The following NEU3 variants were observed in gnomAD, a reference collection of about 807,000 sequenced individuals.
The protein encoded by NEU3 is neuraminidase 3.
In NEU3, 10 loss-of-function variants were observed where a neutral mutation model predicts 11.4. That is an observed-to-expected ratio of 0.88 (90% CI 0.54 to 1.49). The LOEUF is 1.49. Ranked by LOEUF, NEU3 falls within the 40% of genes most tolerant of loss-of-function variation. The probability of loss-of-function intolerance (pLI) is 0.00; values close to 1 mark genes in which losing one functional copy is unlikely to be tolerated. For missense variants in NEU3, 529 were observed against 581.8 expected (o/e 0.91, Z 0.93); for synonymous variants, 212 against 228.2 (o/e 0.93, Z 0.64).
chr11:75,012,516 G>A (rs185835339), downstream of NEU3, among the ~76,000 whole-genome samples: 111 of 152,294 alleles, frequency 7.3e-4, no homozygotes, highest in East Asian at 4.8e-3. Flanking sequence ...GATCTAGATC[G>A]ACTGACAGAG....
chr11:74,989,786 T>C (rs1420368662), intron 1 of NEU3, among the ~76,000 whole-genome samples: 5 of 152,186 alleles, frequency 3.3e-5, no homozygotes, highest in Admixed American at 3.3e-4. Flanking sequence ...TGCTAGTAAG[T>C]GTCAAAGATA....
intron 2 of NEU3, among the ~76,000 whole-genome samples, chr11:75,002,675 A>T (rs1260352435): frequency 2.0e-5 from 3 of 152,242 alleles, no homozygotes; most frequent in Non-Finnish European, 4.4e-5. Flanking sequence ...TTGTGGACTC[A>T]TATATAGAAC....
chr11:74,985,288 T>G (rs1469071990), upstream of NEU3, among the ~76,000 whole-genome samples: 2 of 152,152 alleles, frequency 1.3e-5, no homozygotes, highest in Non-Finnish European at 2.9e-5. Flanking sequence ...AATATATATA[T>G]TACCAATACA....
intron 1 of NEU3, among the ~76,000 whole-genome samples, chr11:74,994,090 C>T (rs559698093): frequency 1.3e-5 from 2 of 152,150 alleles, no homozygotes; most frequent in East Asian, 3.9e-4. Context: ...GGCTTTCGTA[C>T]AGAAAAAAAG....
In NEU3 at chr11:74,990,248, G is replaced by A. The variant is rs963406839; in HGVS notation, c.94+1094G>A. 5.2e-5 allele frequency: 24 copies of A among 458,880 alleles called. No homozygotes were observed. In the South Asian group the frequency reaches 8.8e-4, roughly 17 times the overall value. 28.4% of individuals were successfully genotyped at this position (458,880 alleles called of 1,614,324 possible). A position where few individuals can be genotyped will look rare whatever the true frequency, so the allele number is the denominator to read the frequency against. ...CAAGCAAGGAATCCAAGACCTAGAG[G>A]TTGAGTAACCATCAAAACGTCATGC... On this transcript the variant is annotated intron_variant, in intron 1 of 2. Transcript: ENST00000294064.
chr11:74,993,841 CTT>C (rs1948757940), intron 1 of NEU3, among the ~76,000 whole-genome samples: 1 of 152,088 alleles, frequency 6.6e-6, no homozygotes, highest in Non-Finnish European at 1.5e-5. Flanking sequence ...TAGTTTTCCT[CTT>C]ATAAAGCCCC....
chr11:74,995,106 A>G (rs887223350), intron 2 of NEU3: 2 of 510,610 alleles, frequency 3.9e-6, no homozygotes, highest in Admixed American at 3.3e-5. Flanking sequence ...TTTCATTTAT[A>G]TTCCATTTAA....
At chr11:74,988,142 T>C (rs1268351834), upstream of NEU3, 1 of 152,130 alleles carries the variant, frequency 6.6e-6, no homozygotes, top group Non-Finnish European at 1.5e-5. Flanking sequence ...TCTTTCCTTT[T>C]ATTGGCGTTT....
downstream of NEU3, among the ~76,000 whole-genome samples, chr11:75,013,954 T>A (rs1461714157): frequency 2.0e-5 from 3 of 152,260 alleles, no homozygotes; most frequent in East Asian, 5.8e-4. Context: ...GCCTCTTAAG[T>A]CCTTGGAACA....
upstream of NEU3, among the ~76,000 whole-genome samples, chr11:74,984,327 G>A (rs1377151924): frequency 6.6e-6 from 1 of 152,166 alleles, no homozygotes; most frequent in African/African-American, 2.4e-5. Context: ...GAAGATTCAG[G>A]TTCCCTAACC....
At chr11:74,990,031 A>G (rs1012281745) in intron 1 of NEU3, 1 of 702,380 alleles carries the variant, frequency 1.4e-6, no homozygotes, top group Non-Finnish European at 2.6e-6. Context: ...TCTGTCATCA[A>G]CACGATCAGC....
At chr11:75,004,257 G>A in intron 2 of NEU3, 2 of 668,590 alleles carry the variant, frequency 3.0e-6, no homozygotes, top group South Asian at 1.6e-5. Flanking sequence ...TTTGATAGAT[G>A]TAAAGTGTTA....
chr11:75,005,450 C>T lies in NEU3; in HGVS notation c.344C>T (p.Pro115Leu), dbSNP rs533535665. Reference protein sequence around the residue: ...PLKPLMEATLPGHRTMNPCPV... With the variant: ...PLKPLMEATLLGHRTMNPCPV... Reference sequence around the variant, plus strand: ...AAGCCACTGATGGAAGCCACACTACCGGGGCATCGGACCATGAACCCCTGT... The same window carrying T: ...AAGCCACTGATGGAAGCCACACTACTGGGGCATCGGACCATGAACCCCTGT... The change falls in exon 3 of 3, where the codon CCG (proline) becomes CTG (leucine). Residue 115 changes from proline to leucine, a missense_variant. Transcript: ENST00000294064. 163 of 1,613,198 alleles carry T rather than the reference C, an allele frequency of 1.0e-4. No homozygotes were observed. The highest frequency in any genetic ancestry group is 8.7e-4 in the Admixed American group (52 of 59,970).
upstream of NEU3, among the ~76,000 whole-genome samples, chr11:74,987,928 C>T (rs1229367368): frequency 2.2e-5 from 2 of 92,482 alleles, no homozygotes; most frequent in African/African-American, 9.1e-5. Context: ...TAGAAAAATA[C>T]AGCAGGTTGT....
chr11:75,016,624 A>G (rs1948982579), intron 3 of NEU3, among the ~76,000 whole-genome samples: 1 of 152,158 alleles, frequency 6.6e-6, no homozygotes, highest in African/African-American at 2.4e-5. Flanking sequence ...TTCTATTTTT[A>G]ATCACTTGGA....
In NEU3 at chr11:75,010,373, T is replaced by A. The variant is rs1038420475; in HGVS notation, c.*3881T>A. 2.0e-5 allele frequency: 3 copies of A among 152,224 alleles called. No homozygotes were observed. Among genetic ancestry groups the A allele is most frequent in the African/African-American group, 7.2e-5 (3 of 41,434 alleles). 9.4% of individuals were successfully genotyped at this position (152,224 alleles called of 1,614,324 possible). ...AGAGTAGCTAGCAGTAAAGATACAC[T>A]GAATGAATGAATGAGTCAACCATCC... On this transcript the variant is annotated 3_prime_UTR_variant, in exon 3 of 3. Transcript: ENST00000294064.
At chr11:74,987,740 G>A (rs544152886), upstream of NEU3, among the ~76,000 whole-genome samples, 4 of 152,186 alleles carry the variant, frequency 2.6e-5, no homozygotes, top group East Asian at 7.7e-4. Context: ...GTGAACCCGG[G>A]AGGCGGAGCT....
chr11:74,983,556 G>T (rs1948651344), upstream of NEU3, among the ~76,000 whole-genome samples: 1 of 152,220 alleles, frequency 6.6e-6, no homozygotes, highest in Non-Finnish European at 1.5e-5. Context: ...AACAACAGCG[G>T]CCAGAGGAGC....
chr11:75,001,811 C>G (rs1300509308), intron 2 of NEU3, among the ~76,000 whole-genome samples: 4 of 152,210 alleles, frequency 2.6e-5, no homozygotes, highest in Admixed American at 2.6e-4. Flanking sequence ...CTAAGGATGA[C>G]TAAACTTCTG....
Sources: gnomAD v4.1 joint callset for allele counts (sites outside exome capture counted in the v4.1 genomes callset) on GRCh38, gnomAD v4.1.1 for gene constraint, MANE v1.5 for transcripts, NCBI Gene and HGNC (gene_info 2026-07-23, HGNC 2026-07-21) for gene names.